The following CHODL variants were observed in gnomAD, a reference collection of about 807,000 sequenced individuals.
CHODL encodes transmembrane protein MT75.
In CHODL, 29 loss-of-function variants were observed where a neutral mutation model predicts 34.5. The ratio of observed to expected loss-of-function variants is 0.84; its 90% CI spans 0.63 to 1.15. The LOEUF is 1.15. Ranked by LOEUF, CHODL falls within the 50% of genes most tolerant of loss-of-function variation. The probability of loss-of-function intolerance (pLI) is 0.00; values close to 1 mark genes in which losing one functional copy is unlikely to be tolerated. For missense variants in CHODL, 332 were observed against 332.5 expected, an observed-to-expected ratio of 1.00 and a Z score of 0.01; for synonymous variants, 125 against 116.1, an observed-to-expected ratio of 1.08 and a Z score of -0.49.
intron 1 of CHODL, among the ~76,000 whole-genome samples, chr21:17,938,462 C>CCTTTTTTTTTT (rs2063334362): frequency 2.2e-5 from 1 of 45,278 alleles, no homozygotes; most frequent in African/African-American, 8.6e-5. Flanking sequence ...AACCCACATT[C>CCTTTTTTTTTT]TTTTTTTTTT....
chr21:18,194,550 T>C (rs2073558612), intron 2 of CHODL, among the ~76,000 whole-genome samples: 1 of 152,090 alleles, frequency 6.6e-6, no homozygotes, highest in Admixed American at 6.6e-5. Flanking sequence ...TAAAGTCATT[T>C]ATCAGAGAGC....
At chr21:17,948,169 G>A (rs1746608132) in intron 1 of CHODL, among the ~76,000 whole-genome samples, 2 of 152,068 alleles carry the variant, frequency 1.3e-5, no homozygotes, top group Admixed American at 1.3e-4. Context: ...ATGGGAGAGG[G>A]ATGAGAACTG....
chr21:18,245,144 CAG>C lies in CHODL; in HGVS notation c.-77_-76del. On this transcript the variant is annotated 5_prime_UTR_variant, in exon 1 of 6. Coordinates refer to ENST00000299295, the MANE Select transcript of CHODL (RefSeq NM_024944.3). Reference sequence around the variant, plus strand: ...GCCCGGCAGGGAGGCAGGGAGGCTGCAGAGTCAGAGTCGCGGGCTGCGCCCTG... The same window carrying C: ...GCCCGGCAGGGAGGCAGGGAGGCTGCAGTCAGAGTCGCGGGCTGCGCCCTG... 8.1e-7 allele frequency: 1 copy of C among 1,235,826 alleles called. No individual in the cohort carries two copies. Among genetic ancestry groups the C allele is most frequent in the South Asian group, 1.5e-5 (1 of 67,538 alleles). 76.6% of individuals were successfully genotyped at this position (1,235,826 alleles called of 1,614,324 possible).
In CHODL at chr21:17,935,802, A is replaced by G. The variant is rs374566402; in HGVS notation, c.-145+18402A>G. On this transcript the variant is annotated intron_variant, in intron 1 of 6. Transcript: ENST00000400127. ...AGATTGTATCTTCTGAGGATGTTGA[A>G]GAGTGTGTAGGTTTTGAAGAAGTGA... Among the ~76,000 whole-genome samples the G allele has an allele frequency of 4.6e-5, 7 of 152,270 alleles. No homozygotes were observed. The East Asian group carries it at 1.2e-3, about 25-fold the overall frequency.
At chr21:18,112,724 T>C (rs2065366317) in intron 2 of CHODL, among the ~76,000 whole-genome samples, 1 of 152,096 alleles carries the variant, frequency 6.6e-6, no homozygotes, top group Non-Finnish European at 1.5e-5. Context: ...GCAAAAGAAT[T>C]AAACTAGACC....
chr21:18,020,851 TC>T (rs756770007), intron 1 of CHODL, among the ~76,000 whole-genome samples: 1 of 152,154 alleles, frequency 6.6e-6, no homozygotes, highest in Non-Finnish European at 1.5e-5. Flanking sequence ...ATACCTGTAA[TC>T]CCAGCATTTT....
At chr21:18,177,746 T>C (rs1367212036) in intron 2 of CHODL, among the ~76,000 whole-genome samples, 1 of 152,140 alleles carries the variant, frequency 6.6e-6, no homozygotes, top group African/African-American at 2.4e-5. Context: ...TTATATTATC[T>C]ACTTGACAAC....
intron 5 of CHODL, among the ~76,000 whole-genome samples, chr21:18,264,034 C>T (rs960069613): frequency 6.6e-6 from 1 of 151,890 alleles, no homozygotes; most frequent in Non-Finnish European, 1.5e-5. Context: ...AATCTACAAA[C>T]CATACAATTT....
chr21:18,060,912 C>T (rs192189414), intron 2 of CHODL, among the ~76,000 whole-genome samples: 1 of 152,220 alleles, frequency 6.6e-6, no homozygotes, highest in East Asian at 1.9e-4. Context: ...AGATAGTAAA[C>T]AACTACCATA....
chr21:18,085,149 C>A (rs1449941712), intron 2 of CHODL, among the ~76,000 whole-genome samples: 1 of 150,790 alleles, frequency 6.6e-6, no homozygotes, highest in Non-Finnish European at 1.5e-5. Flanking sequence ...CTTTTTCCAC[C>A]CCTTTACTTT....
chr21:18,024,144 A>T (rs1248442107), intron 1 of CHODL, among the ~76,000 whole-genome samples: 1 of 152,182 alleles, frequency 6.6e-6, no homozygotes, highest in Non-Finnish European at 1.5e-5. Flanking sequence ...AGGACAAAAA[A>T]ATGCTCCCCA....
rs372494045 is a variant in CHODL at position 18,006,819 on chromosome 21, C to T, written c.-144-21053C>T. Among the ~76,000 whole-genome samples the T allele has an allele frequency of 2.6e-5, 4 of 152,276 alleles. No individual in the cohort carries two copies. The South Asian group carries it at 8.3e-4, about 32-fold the overall frequency. On this transcript the variant is annotated intron_variant, in intron 1 of 6. Transcript: ENST00000400127. ...AGTGGCAGAATTATAATGTTGCCTC[C>T]GGTCCACTCTGCCACCCTTTTGCAA...
At chr21:18,166,980 T>G (rs182073896) in intron 2 of CHODL, among the ~76,000 whole-genome samples, 78 of 152,258 alleles carry the variant, frequency 5.1e-4, no homozygotes, top group African/African-American at 1.7e-3. Flanking sequence ...TCTGTGGAAT[T>G]TTTTGTAGGA....
At chr21:17,995,207 C>T (rs990658629) in intron 1 of CHODL, among the ~76,000 whole-genome samples, 1 of 152,184 alleles carries the variant, frequency 6.6e-6, no homozygotes, top group African/African-American at 2.4e-5. Context: ...AAAATGGTGC[C>T]GTGCTGTAGC....
In CHODL at chr21:18,232,941, T is replaced by TTATATATATATATATATATATATATA. The variant is rs752640406; in HGVS notation, c.-44-23568_-44-23567insTATATATATATATATATATATATATA. On this transcript the variant is annotated intron_variant, in intron 2 of 6. Transcript: ENST00000400127. ...TAATTATGGGGTCCACATGATGTTA[T>TTATATATATATATATATATATATATA]GATATATATATATATATATATATAT... 9.3e-4 allele frequency among the ~76,000 whole-genome samples: 91 copies of TTATATATATATATATATATATATATA among 97,560 alleles called. 1 individual carries two copies. Among genetic ancestry groups the TTATATATATATATATATATATATATA allele is most frequent in the African/African-American group, 2.0e-3 (38 of 18,790 alleles). The allele number at this position is 97,560 out of a possible 152,430, so 64.0% of individuals were successfully genotyped here.
At chr21:18,146,171 C>G (rs9305844) in intron 2 of CHODL, among the ~76,000 whole-genome samples, 118,493 of 149,376 alleles carry the variant, frequency 0.79, 47,732 homozygotes, top group Non-Finnish European at 0.89. Context: ...TAGAGACGGG[C>G]TTTCACCGTG....
At chr21:18,236,123 G>A (rs1263802993) in intron 2 of CHODL, among the ~76,000 whole-genome samples, 1 of 152,024 alleles carries the variant, frequency 6.6e-6, no homozygotes, top group African/African-American at 2.4e-5. Context: ...CACGTGGCTG[G>A]GAAGGCCTCA....
At chr21:18,240,407 A>G (rs1237909245), upstream of CHODL, among the ~76,000 whole-genome samples, 5 of 152,118 alleles carry the variant, frequency 3.3e-5, no homozygotes, top group African/African-American at 1.2e-4. Context: ...AGTGAAAACC[A>G]AACAGAAGAG....
chr21:18,106,469 A>T (rs537537509), intron 2 of CHODL, among the ~76,000 whole-genome samples: 4 of 150,590 alleles, frequency 2.7e-5, no homozygotes. Context: ...TTGTTACTAG[A>T]TCTTTCTTTT....
Sources: allele counts gnomAD v4.1 joint callset (sites outside exome capture counted in the v4.1 genomes callset), GRCh38; gene constraint gnomAD v4.1.1; transcripts MANE v1.5; gene names NCBI Gene and HGNC (gene_info 2026-07-23, HGNC 2026-07-21).